The following TSHZ3 variants were observed in gnomAD, a reference collection of about 807,000 sequenced individuals.
TSHZ3 encodes teashirt homolog 3.
TSHZ3 carries 10 observed loss-of-function variants against 64.5 expected under a neutral mutation model. The observed-to-expected ratio is 0.16, with a 90% confidence interval of 0.10 to 0.26. The LOEUF (loss-of-function observed/expected upper bound fraction) is 0.26, where lower values mean the gene tolerates loss of function less well. Among genes scored for constraint, TSHZ3 ranks in the 10% least tolerant of loss-of-function variants. TSHZ3 has a pLI of 1.00. For synonymous variants in TSHZ3, 608 were observed against 593.1 expected (o/e 1.03, Z -0.36); for missense variants, 1,242 against 1,421.7 (o/e 0.87, Z 2.03).
At chr19:31,321,742 G>A (rs146759588) in intron 1 of TSHZ3, among the ~76,000 whole-genome samples, 1 of 152,150 alleles carries the variant, frequency 6.6e-6, no homozygotes, top group African/African-American at 2.4e-5. Flanking sequence ...AGAAGGTAGT[G>A]CTTAATTGTC....
intron 3 of TSHZ3, among the ~76,000 whole-genome samples, chr19:31,229,468 G>A (rs965809286): frequency 6.6e-6 from 1 of 152,096 alleles, no homozygotes; most frequent in African/African-American, 2.4e-5. Flanking sequence ...ATTCATCACT[G>A]CTTCACACCA....
At chr19:31,245,829 T>A (rs1975752215) in intron 1 of TSHZ3, among the ~76,000 whole-genome samples, 3 of 152,176 alleles carry the variant, frequency 2.0e-5, no homozygotes, top group Admixed American at 6.5e-5. Context: ...TCATTGCAGG[T>A]AGTGTGGCCC....
chr19:31,280,833 G>A (rs755801292), intron 1 of TSHZ3, among the ~76,000 whole-genome samples: 4 of 152,204 alleles, frequency 2.6e-5, no homozygotes, highest in South Asian at 4.1e-4. Flanking sequence ...GAATACTTGC[G>A]TTAATGCAAC....
At chr19:31,323,224 G>A (rs1916828355) in intron 1 of TSHZ3, among the ~76,000 whole-genome samples, 1 of 152,174 alleles carries the variant, frequency 6.6e-6, no homozygotes, top group Non-Finnish European at 1.5e-5. Flanking sequence ...TTCCAGCCAG[G>A]AGCTGCCCAA....
intron 1 of TSHZ3, among the ~76,000 whole-genome samples, chr19:31,243,036 C>A (rs895951993): frequency 6.6e-6 from 1 of 152,166 alleles, no homozygotes; most frequent in African/African-American, 2.4e-5. Flanking sequence ...CACAGATGCA[C>A]CCAGAAATAA....
chr19:31,180,622 A>G (rs550435716), intron 5 of TSHZ3, among the ~76,000 whole-genome samples: 3 of 152,354 alleles, frequency 2.0e-5, no homozygotes, highest in Non-Finnish European at 4.4e-5. Context: ...AAATACAGAA[A>G]CACAAACCTG....
intron 5 of TSHZ3, among the ~76,000 whole-genome samples, chr19:31,159,444 C>A (rs1400357691): frequency 1.3e-5 from 2 of 152,156 alleles, no homozygotes; most frequent in Non-Finnish European, 2.9e-5. Context: ...TGAACACCTT[C>A]GGGGAGGTCT....
At chr19:31,221,796 G>C (rs980496654) in intron 4 of TSHZ3, among the ~76,000 whole-genome samples, 3 of 152,140 alleles carry the variant, frequency 2.0e-5, no homozygotes, top group Admixed American at 2.0e-4. Context: ...CTGGTGGCTT[G>C]GTGACTCATA....
chr19:31,176,213 G>C (rs936538631), intron 5 of TSHZ3, among the ~76,000 whole-genome samples: 17 of 152,158 alleles, frequency 1.1e-4, no homozygotes, highest in Non-Finnish European at 2.1e-4. Context: ...GGCTTGGCTG[G>C]ACCCACCAGC....
chr19:31,225,096 T>C (rs186583927), intron 4 of TSHZ3, among the ~76,000 whole-genome samples: 8 of 152,164 alleles, frequency 5.3e-5, no homozygotes, highest in Non-Finnish European at 1.2e-4. Flanking sequence ...TTCAGCAACC[T>C]CCTAAATCAG....
intron 1 of TSHZ3, among the ~76,000 whole-genome samples, chr19:31,256,128 T>C (rs1040811173): frequency 2.0e-5 from 3 of 152,158 alleles, no homozygotes; most frequent in Non-Finnish European, 4.4e-5. Flanking sequence ...TCTCCCCTTC[T>C]GTGAAATGAG....
At chr19:31,195,548 A>G (rs1974976746) in intron 5 of TSHZ3, 1 of 113,030 alleles carries the variant, frequency 8.8e-6, no homozygotes, top group Non-Finnish European at 1.8e-5. Flanking sequence ...ACCAAAATGT[A>G]GGGATTCTTT....
intron 1 of TSHZ3, chr19:31,348,915 G>A (rs1016451576): frequency 1.6e-5 from 7 of 432,964 alleles, no homozygotes; most frequent in African/African-American, 8.3e-5. Context: ...GAGAGCTGAG[G>A]AGGTAGGGAC....
chr19:31,206,230 TG>T (rs1028206915), intron 4 of TSHZ3, among the ~76,000 whole-genome samples: 2 of 151,662 alleles, frequency 1.3e-5, no homozygotes, highest in African/African-American at 4.9e-5. Flanking sequence ...GATGATTGGA[TG>T]GATTAATGGA....
rs142608748 is a variant in TSHZ3 at position 31,324,960 on chromosome 19, A to T, written c.40+24220T>A. 8.3e-4 allele frequency among the ~76,000 whole-genome samples: 126 copies of T among 152,394 alleles called. 1 individual carries two copies. The East Asian group carries it at 0.022, about 26-fold the overall frequency. The stretch of plus-strand genomic sequence containing the variant: ...ACGTTTTACTACAATGCCATCAATT[A>T]CATAAAAACAAAATTAAGTCACTGT... On this transcript the variant is annotated intron_variant, in intron 1 of 1. Transcript: ENST00000240587.
chr19:31,220,079 T>C (rs995871284), intron 4 of TSHZ3, among the ~76,000 whole-genome samples: 1 of 152,122 alleles, frequency 6.6e-6, no homozygotes, highest in Non-Finnish European at 1.5e-5. Flanking sequence ...GTGGAGAAAA[T>C]CCTTTTCAAC....
chr19:31,206,851 A>G (rs1023750154), intron 4 of TSHZ3, among the ~76,000 whole-genome samples: 18 of 152,198 alleles, frequency 1.2e-4, no homozygotes, highest in African/African-American at 4.3e-4. Context: ...TTTATATTTT[A>G]TTGAATTCCA....
intron 5 of TSHZ3, among the ~76,000 whole-genome samples, chr19:31,201,632 T>C (rs1599579232): frequency 6.6e-6 from 1 of 152,150 alleles, no homozygotes; most frequent in African/African-American, 2.4e-5. Context: ...GAGTGTGTGA[T>C]TAAACTGAGC....
chr19:31,288,578 T>C (rs1056952249), intron 1 of TSHZ3, among the ~76,000 whole-genome samples: 8 of 152,194 alleles, frequency 5.3e-5, no homozygotes, highest in Non-Finnish European at 5.9e-5. Flanking sequence ...TTCTCTGCTC[T>C]GTCGCCCAGC....
Sources: gnomAD v4.1 joint callset for allele counts (sites outside exome capture counted in the v4.1 genomes callset) on GRCh38, gnomAD v4.1.1 for gene constraint, MANE v1.5 for transcripts, NCBI Gene and HGNC (gene_info 2026-07-23, HGNC 2026-07-21) for gene names.